The following NEURL1 variants were observed in gnomAD, a reference collection of about 807,000 sequenced individuals.
NEURL1 encodes E3 ubiquitin-protein ligase NEURL1.
Under a neutral mutation model 41.2 loss-of-function variants are expected in NEURL1, and 26 were observed. That is an observed-to-expected ratio of 0.63 (90% CI 0.46 to 0.87). NEURL1 has a LOEUF of 0.87. Ranked by LOEUF, NEURL1 falls within the 40% of genes least tolerant of loss-of-function variation. The probability of loss-of-function intolerance (pLI) is 0.00; values close to 1 mark genes in which losing one functional copy is unlikely to be tolerated. For synonymous variants in NEURL1, 400 were observed against 402.3 expected (o/e 0.99, Z 0.07); for missense variants, 761 against 871.1 (o/e 0.87, Z 1.59).
chr10:103,534,180 A>ATTTTTT (rs35899711), intron 1 of NEURL1, among the ~76,000 whole-genome samples: 1 of 138,656 alleles, frequency 7.2e-6, no homozygotes. Flanking sequence ...GTCTATCTGT[A>ATTTTTT]TTTTTTTTTT....
chr10:103,562,537 T>TCTC (rs2035319553), intron 1 of NEURL1, among the ~76,000 whole-genome samples: 1 of 152,106 alleles, frequency 6.6e-6, no homozygotes, highest in South Asian at 2.1e-4. Flanking sequence ...ACTTCTCAAC[T>TCTC]CTCCTGAGGA....
chr10:103,586,786 C>T (rs930123657), intron 4 of NEURL1, among the ~76,000 whole-genome samples: 4 of 152,290 alleles, frequency 2.6e-5, no homozygotes, highest in Non-Finnish European at 5.9e-5. Flanking sequence ...CGGTGGCTCA[C>T]ATCTGTAATC....
At chr10:103,557,658 A>T (rs1249534186) in intron 1 of NEURL1, among the ~76,000 whole-genome samples, 1 of 152,160 alleles carries the variant, frequency 6.6e-6, no homozygotes, top group Non-Finnish European at 1.5e-5. Context: ...CTCCACCCCC[A>T]TCAGAACCCT....
At chr10:103,541,643 G>A (rs559077771) in intron 1 of NEURL1, among the ~76,000 whole-genome samples, 17 of 152,250 alleles carry the variant, frequency 1.1e-4, no homozygotes, top group South Asian at 4.2e-4. Flanking sequence ...TCAGTCAAGC[G>A]TCCACCCTGC....
chr10:103,517,912 C>T (rs577989721), intron 1 of NEURL1, among the ~76,000 whole-genome samples: 27 of 152,380 alleles, frequency 1.8e-4, no homozygotes, highest in African/African-American at 6.5e-4. Context: ...CCGTGGGCCT[C>T]ACCGCAGTGT....
chr10:103,527,077 C>T (rs192585965), intron 1 of NEURL1, among the ~76,000 whole-genome samples: 9 of 152,044 alleles, frequency 5.9e-5, no homozygotes, highest in Admixed American at 5.2e-4. Context: ...GTGGATTATT[C>T]GAGTTTTCCA....
At chr10:103,514,957 G>A (rs1479183896) in intron 1 of NEURL1, among the ~76,000 whole-genome samples, 1 of 152,140 alleles carries the variant, frequency 6.6e-6, no homozygotes, top group Non-Finnish European at 1.5e-5. Context: ...GGCTGGGCAG[G>A]TGGCTCATGG....
intron 3 of NEURL1, 27 bp from the exon 4 acceptor site, chr10:103,584,509 T>C: frequency 7.6e-7 from 1 of 1,312,120 alleles, no homozygotes; most frequent in Non-Finnish European, 9.7e-7. Flanking sequence ...GAGCCCTGCG[T>C]GACACTGCCC....
Position 103,587,236 on chromosome 10 carries a change from G to T in NEURL1, c.1339+2011G>T, listed in dbSNP as rs186635595. Among the ~76,000 whole-genome samples, 97 of 152,284 alleles carry T rather than the reference G, an allele frequency of 6.4e-4. 1 individual carries two copies. The East Asian group carries it at 0.018, about 28-fold the overall frequency. ...AGGATATACTACTCCTCAGGGCAAG[G>T]AAATTACATAAGAGTAAGGTACTTT... On this transcript the variant is annotated intron_variant, in intron 4 of 5. Coordinates refer to ENST00000369780, the MANE Select transcript of NEURL1 (RefSeq NM_004210.5).
intron 1 of NEURL1, among the ~76,000 whole-genome samples, chr10:103,528,091 C>A (rs2034498257): frequency 6.6e-6 from 1 of 152,112 alleles, no homozygotes; most frequent in African/African-American, 2.4e-5. Flanking sequence ...CACGTTGGCT[C>A]ATGCCTGTAA....
intron 1 of NEURL1, among the ~76,000 whole-genome samples, chr10:103,534,922 G>T (rs2034658915): frequency 6.6e-6 from 1 of 152,184 alleles, no homozygotes. Flanking sequence ...AGGCTGGGTT[G>T]TACCTGTGAT....
intron 1 of NEURL1, among the ~76,000 whole-genome samples, chr10:103,529,687 A>G (rs2034529933): frequency 6.6e-6 from 1 of 152,262 alleles, no homozygotes; most frequent in East Asian, 1.9e-4. Context: ...GAAATCAAAT[A>G]GAGAGAAAGA....
At chr10:103,563,794 G>T (rs1407382939) in intron 1 of NEURL1, among the ~76,000 whole-genome samples, 2 of 152,160 alleles carry the variant, frequency 1.3e-5, no homozygotes, top group African/African-American at 2.4e-5. Flanking sequence ...GGCTCCCAAG[G>T]TCTTACAGTT....
At chr10:103,570,354 C>T (rs1266961302) in intron 1 of NEURL1, among the ~76,000 whole-genome samples, 1 of 152,162 alleles carries the variant, frequency 6.6e-6, no homozygotes, top group Non-Finnish European at 1.5e-5. Context: ...TGTTGTCTTC[C>T]CCAAGGTCAC....
intron 1 of NEURL1, among the ~76,000 whole-genome samples, chr10:103,513,417 C>A (rs1279763191): frequency 6.6e-6 from 1 of 152,220 alleles, no homozygotes; most frequent in Admixed American, 6.5e-5. Flanking sequence ...TGGGGAGGCC[C>A]CACTGGGCCC....
chr10:103,589,600 C>A lies in NEURL1; in HGVS notation c.1426C>A (p.Arg476Ser). 6.2e-7 allele frequency: 1 copy of A among 1,613,964 alleles called. No homozygotes were observed. The highest frequency in any genetic ancestry group is 8.5e-7 in the Non-Finnish European group (1 of 1,179,912). The change falls in exon 5 of 6, where the codon CGC becomes AGC. Residue 476 changes from arginine to serine, a missense_variant. Physicochemically the swap from Arg to Ser is moderately radical, Grantham distance 110. Transcript: ENST00000369780. ...TPTSPSALGS[R>S]LSDPLLSTCS... ...AACCTCGCCCAGTGCCCTGGGCAGC[C>A]GCCTGTCTGACCCCTTGCTCAGCAC...
chr10:103,523,447 C>A (rs1323725340), intron 1 of NEURL1, among the ~76,000 whole-genome samples: 1 of 151,142 alleles, frequency 6.6e-6, no homozygotes, highest in Admixed American at 6.6e-5. Context: ...CATAACAAGA[C>A]CTTGTCTCAA....
chr10:103,553,121 ACT>A (rs1352165298), intron 1 of NEURL1, among the ~76,000 whole-genome samples: 1 of 151,980 alleles, frequency 6.6e-6, no homozygotes, highest in African/African-American at 2.4e-5. Context: ...GTGGAGGGTG[ACT>A]CTGCTGCTAC....
chr10:103,571,330 G>A (rs1323769665), intron 2 of NEURL1, among the ~76,000 whole-genome samples, 171 bp from the exon 3 acceptor site: 2 of 152,208 alleles, frequency 1.3e-5, no homozygotes, highest in African/African-American at 2.4e-5. Flanking sequence ...GGCGGTGGCC[G>A]TGGGAACCCC....
Sources: allele counts gnomAD v4.1 joint callset (sites outside exome capture counted in the v4.1 genomes callset), GRCh38; gene constraint gnomAD v4.1.1; transcripts MANE v1.5; gene names NCBI Gene and HGNC (gene_info 2026-07-23, HGNC 2026-07-21).